The following TMEM47 variants were observed in gnomAD, a reference collection of about 807,000 sequenced individuals.
TMEM47 encodes brain cell membrane protein 1.
TMEM47 carries 3 observed loss-of-function variants against 12.4 expected under a neutral mutation model. The observed-to-expected ratio is 0.24, with a 90% CI of 0.11 to 0.63. TMEM47 has a LOEUF of 0.63. Ranked by LOEUF, TMEM47 falls within the 20% of genes least tolerant of loss-of-function variation. The pLI, the probability that TMEM47 is intolerant of heterozygous loss-of-function variation, is 0.86. For synonymous variants in TMEM47, 62 were observed against 63.3 expected (o/e 0.98, Z 0.10); for missense variants, 89 against 143.8 (o/e 0.62, Z 1.95).
At chrX:34,634,995 T>A (rs776743196) in intron 2 of TMEM47, among the ~76,000 whole-genome samples, 95 of 111,999 alleles carry the variant, frequency 8.5e-4, no homozygotes, top group African/African-American at 3.0e-3. Flanking sequence ...CCTATCCATA[T>A]ATTTTTATCT....
Position 34,641,959 on chromosome X carries a change from T to C in TMEM47, c.227-2572A>G, listed in dbSNP as rs897045437. 5.3e-5 allele frequency among the ~76,000 whole-genome samples: 6 copies of C among 112,465 alleles called. No individual in the cohort carries two copies. The Admixed American group carries it at 5.6e-4, about 11-fold the overall frequency. ...GCAACCTCCGTCTCCCGGGTTCAAGTGATTCTCATGCCTCAGCCTCTCGAG... is the reference window on the plus strand; with the variant it reads ...GCAACCTCCGTCTCCCGGGTTCAAGCGATTCTCATGCCTCAGCCTCTCGAG... On this transcript the variant is annotated intron_variant, in intron 1 of 2. Coordinates refer to ENST00000275954, the MANE Select transcript of TMEM47 (RefSeq NM_031442.4).
chrX:34,655,709 C>G (rs952013630), intron 1 of TMEM47, among the ~76,000 whole-genome samples: 2 of 109,611 alleles, frequency 1.8e-5, no homozygotes, highest in African/African-American at 6.7e-5. Flanking sequence ...AGACATGAAA[C>G]TGGAAGGAAT....
At chrX:34,639,104 GC>G in intron 2 of TMEM47, 142 bp downstream of exon 2, 1 of 736,693 alleles carries the variant, frequency 1.4e-6, no homozygotes. Context: ...TAAACCTTTA[GC>G]CAAGTTACCT....
At chrX:34,655,409 G>A (rs781406844) in intron 1 of TMEM47, among the ~76,000 whole-genome samples, 6 of 111,690 alleles carry the variant, frequency 5.4e-5, no homozygotes, top group African/African-American at 2.0e-4. Context: ...TGCCAACCCT[G>A]AAAGAATTGA....
At chrX:34,643,612 G>T (rs1343342553) in intron 1 of TMEM47, among the ~76,000 whole-genome samples, 2 of 111,939 alleles carry the variant, frequency 1.8e-5, no homozygotes, top group Non-Finnish European at 3.8e-5. Flanking sequence ...TTAAGAGTCT[G>T]TAAAGATTTA....
Position 34,657,203 on chromosome X carries a change from G to T in TMEM47, c.-174C>A. 2.7e-6 allele frequency: 2 copies of T among 745,664 alleles called. No homozygotes were observed. The highest frequency in any genetic ancestry group is 1.7e-6 in the Non-Finnish European group (1 of 582,807). 61.5% of individuals were successfully genotyped at this position (745,664 alleles called of 1,213,427 possible). On this transcript the variant is annotated 5_prime_UTR_variant, in exon 1 of 3. Coordinates refer to ENST00000275954, the MANE Select transcript of TMEM47 (RefSeq NM_031442.4). ...GCGGCCAAGGTGGGTCTGCGGAGGC[G>T]GCCGGCCGGGTGTGGGTCGTCGGCA...
In TMEM47 at chrX:34,640,792, T is replaced by G. The variant is rs998968969; in HGVS notation, c.227-1405A>C. On this transcript the variant is annotated intron_variant, in intron 1 of 2. Coordinates refer to ENST00000275954, the MANE Select transcript of TMEM47 (RefSeq NM_031442.4). ...TCTTTTATTTATATTTGTACATCCC[T>G]GTCTCAAGCATCCTCTTCCACATCT... Among the ~76,000 whole-genome samples, 25 of 111,436 alleles carry G rather than the reference T, an allele frequency of 2.2e-4. 1 individual carries two copies. The highest frequency in any genetic ancestry group is 4.1e-4 in the Non-Finnish European group (22 of 53,085).
At chrX:34,640,588 A>T (rs766680606) in intron 1 of TMEM47, among the ~76,000 whole-genome samples, 2 of 111,686 alleles carry the variant, frequency 1.8e-5, no homozygotes, top group East Asian at 5.7e-4. Flanking sequence ...ATGTAAGTGC[A>T]GAAAATGCAA....
At chrX:34,653,057 AT>A (rs1316288474) in intron 1 of TMEM47, among the ~76,000 whole-genome samples, 1 of 112,122 alleles carries the variant, frequency 8.9e-6, no homozygotes, top group Non-Finnish European at 1.9e-5. Flanking sequence ...TATATCTCAG[AT>A]TTGCTAAGAC....
chrX:34,646,836 G>T (rs1010998251), intron 1 of TMEM47, among the ~76,000 whole-genome samples: 7 of 111,382 alleles, frequency 6.3e-5, no homozygotes, highest in African/African-American at 2.3e-4. Context: ...AATTGGCAAA[G>T]CTAGTACTCC....
At chrX:34,642,952 G>A (rs896863210) in intron 1 of TMEM47, among the ~76,000 whole-genome samples, 6 of 111,796 alleles carry the variant, frequency 5.4e-5, no homozygotes, top group Non-Finnish European at 9.4e-5. Context: ...ACCTCGATCA[G>A]GAAGCTGAAA....
chrX:34,656,988 C>T lies in TMEM47; in HGVS notation c.42G>A (p.Ser14=). The T allele has an allele frequency of 1.7e-6, 2 of 1,174,505 alleles. No individual in the cohort carries two copies. Among genetic ancestry groups the T allele is most frequent in the Non-Finnish European group, 2.3e-6 (2 of 876,335 alleles). The change falls in exon 1 of 3, where the codon TCG becomes TCA. Residue 14 remains serine, a synonymous_variant. Transcript: ENST00000275954. ...CGACCAGCTTCAAGGGGGTCAGCAC[C>T]GACACGCGCACCTCCTCCATGCCGC... ...AGSGMEEVRV[S]VLTPLKLVGL... is the part of the protein sequence containing the mutation.
Position 34,629,594 on chromosome X carries a change from C to A in TMEM47, c.*719G>T, listed in dbSNP as rs1329621971. The A allele has an allele frequency of 2.7e-5, 3 of 111,572 alleles. No homozygotes were observed. The highest frequency in any genetic ancestry group is 6.5e-5 in the African/African-American group (2 of 30,637). 9.2% of individuals were successfully genotyped at this position (111,572 alleles called of 1,213,427 possible). On this transcript the variant is annotated 3_prime_UTR_variant, in exon 3 of 3. Coordinates refer to ENST00000275954, the MANE Select transcript of TMEM47 (RefSeq NM_031442.4). ...GTACAAAAGCAACTCATGCAGATTT[C>A]TTTCTGTTTGCCCCAGGAAAAACAG...
chrX:34,640,519 T>C (rs751046667), intron 1 of TMEM47, among the ~76,000 whole-genome samples: 1 of 111,850 alleles, frequency 8.9e-6, no homozygotes, highest in East Asian at 2.8e-4. Flanking sequence ...TATAAAACGA[T>C]ACTATGGAGA....
At chrX:34,645,158 A>G (rs893528970) in intron 1 of TMEM47, among the ~76,000 whole-genome samples, 3 of 111,703 alleles carry the variant, frequency 2.7e-5, no homozygotes, top group Non-Finnish European at 5.7e-5. Context: ...TTAAGTTAGT[A>G]TTGCCAATCC....
At chrX:34,640,469 A>G (rs868267034) in intron 1 of TMEM47, among the ~76,000 whole-genome samples, 5 of 112,260 alleles carry the variant, frequency 4.5e-5, no homozygotes, top group Admixed American at 9.5e-5. Flanking sequence ...GAAGAGACAA[A>G]GTGAATCTAT....
chrX:34,645,833 T>G (rs1330641396), intron 1 of TMEM47, among the ~76,000 whole-genome samples: 1 of 112,089 alleles, frequency 8.9e-6, no homozygotes, highest in Non-Finnish European at 1.9e-5. Context: ...TTTTATAAAA[T>G]TACAATATAA....
In TMEM47 at chrX:34,629,062, A is replaced by G. The variant is rs1213305478; in HGVS notation, c.*1251T>C. ...ATGAATTCTACTCCTCTACTGAGAC[A>G]TTTAGATATTTATATAAATCTATCG... On this transcript the variant is annotated 3_prime_UTR_variant, in exon 3 of 3. Coordinates refer to ENST00000275954, the MANE Select transcript of TMEM47 (RefSeq NM_031442.4). 3 of 111,900 alleles carry G rather than the reference A, an allele frequency of 2.7e-5. No individual in the cohort carries two copies. Among genetic ancestry groups the G allele is most frequent in the Non-Finnish European group, 5.6e-5 (3 of 53,118 alleles). 9.2% of individuals were successfully genotyped at this position (111,900 alleles called of 1,213,427 possible). A position where few individuals can be genotyped will look rare whatever the true frequency, so the allele number is the denominator to read the frequency against.
At chrX:34,630,594 T>C (rs1921599085) in intron 2 of TMEM47, 103 bp from the exon 3 acceptor site, 1 of 775,323 alleles carries the variant, frequency 1.3e-6, no homozygotes, top group African/African-American at 2.1e-5. Flanking sequence ...TAATCAAATA[T>C]ACATAAAAGC....
Sources: allele counts gnomAD v4.1 joint callset (sites outside exome capture counted in the v4.1 genomes callset), GRCh38; gene constraint gnomAD v4.1.1; transcripts MANE v1.5; gene names NCBI Gene and HGNC (gene_info 2026-07-23, HGNC 2026-07-21).